TMEM178B: variants seen among roughly 807,000 people sequenced by gnomAD.
TMEM178B encodes transmembrane protein 178B.
TMEM178B carries 5 observed loss-of-function variants against 31.0 expected under a neutral mutation model. The ratio of observed to expected loss-of-function variants is 0.16; its 90% confidence interval spans 0.08 to 0.34. The LOEUF (loss-of-function observed/expected upper bound fraction) is 0.34. TMEM178B is among the 10% of genes least tolerant of loss of function. The pLI is 1.00. For missense variants in TMEM178B, 275 were observed against 400.3 expected (o/e 0.69, Z 2.67); for synonymous variants, 164 against 164.0 (o/e 1.00, Z 0.00).
intron 2 of TMEM178B, chr7:141,352,598 T>A (rs541299814): frequency 6.6e-6 from 1 of 152,290 alleles, no homozygotes; most frequent in South Asian, 2.1e-4. Context: ...GTCAGGCTGG[T>A]CTCAAACTCC....
At chr7:141,246,392 C>T (rs1054218271) in intron 2 of TMEM178B, among the ~76,000 whole-genome samples, 1 of 152,136 alleles carries the variant, frequency 6.6e-6, no homozygotes, top group African/African-American at 2.4e-5. Context: ...AGGTTCAGTA[C>T]GATGTTTCTG....
At chr7:141,200,847 G>A (rs1376606225) in intron 1 of TMEM178B, among the ~76,000 whole-genome samples, 1 of 152,106 alleles carries the variant, frequency 6.6e-6, no homozygotes, top group Non-Finnish European at 1.5e-5. Flanking sequence ...TTGATTTTGG[G>A]TCATGACAAG....
chr7:141,448,911 G>A (rs543384636), intron 3 of TMEM178B, among the ~76,000 whole-genome samples: 2 of 152,266 alleles, frequency 1.3e-5, no homozygotes, highest in African/African-American at 4.8e-5. Flanking sequence ...GACAAGCAAG[G>A]TGGGCCAGGA....
chr7:141,086,139 G>A lies in TMEM178B; in HGVS notation c.382+11447G>A, dbSNP rs1013710076. The stretch of plus-strand genomic sequence containing the variant: ...CAACCTCCATCTCCTGGGTTCAGAT[G>A]ATTCTTGTGCCTCAGCCTGCTGAGT... On this transcript the variant is annotated intron_variant, in intron 1 of 3. Transcript: ENST00000565468. Among the ~76,000 whole-genome samples the A allele has an allele frequency of 3.3e-5, 5 of 152,028 alleles. 1 individual carries two copies. Among genetic ancestry groups the A allele is most frequent in the African/African-American group, 1.2e-4 (5 of 41,324 alleles).
Position 141,295,868 on chromosome 7 carries a change from G to A in TMEM178B, c.496+83164G>A, listed in dbSNP as rs533474617. On this transcript the variant is annotated intron_variant, in intron 2 of 3. Transcript: ENST00000565468. ...GTCCCCACATTTCCAGAAATCTGAAGACGGCCCAGCCACAGCCCTGTTCCC... is the reference window on the plus strand; with the variant it reads ...GTCCCCACATTTCCAGAAATCTGAAAACGGCCCAGCCACAGCCCTGTTCCC... Among the ~76,000 whole-genome samples the A allele has an allele frequency of 3.3e-5, 5 of 152,270 alleles. No individual in the cohort carries two copies. The South Asian group carries it at 1.0e-3, about 32-fold the overall frequency.
chr7:141,271,585 G>A (rs1798184086), intron 2 of TMEM178B, among the ~76,000 whole-genome samples: 1 of 152,132 alleles, frequency 6.6e-6, no homozygotes, highest in Admixed American at 6.5e-5. Context: ...GCACCATGGA[G>A]CTTCATGACC....
chr7:141,262,909 A>G (rs1293382708), intron 2 of TMEM178B, among the ~76,000 whole-genome samples: 2 of 152,210 alleles, frequency 1.3e-5, no homozygotes, highest in Admixed American at 6.5e-5. Flanking sequence ...TATAGCATTC[A>G]GCCAGCATCA....
intron 2 of TMEM178B, among the ~76,000 whole-genome samples, chr7:141,229,155 G>C (rs1797398263): frequency 6.8e-6 from 1 of 147,616 alleles, no homozygotes; most frequent in African/African-American, 2.5e-5. Context: ...ATGGGTCAGT[G>C]TATGAAGTTT....
chr7:141,167,811 A>G (rs1796285822), intron 1 of TMEM178B, among the ~76,000 whole-genome samples: 1 of 152,172 alleles, frequency 6.6e-6, no homozygotes, highest in African/African-American at 2.4e-5. Flanking sequence ...CCCAAGGCCA[A>G]TTTGCCAGCA....
intron 2 of TMEM178B, among the ~76,000 whole-genome samples, chr7:141,257,577 C>T (rs997341902): frequency 1.3e-5 from 2 of 152,078 alleles, no homozygotes; most frequent in African/African-American, 4.8e-5. Context: ...CTAGGTATTC[C>T]CACTCTGACT....
rs545301814 is a variant in TMEM178B at position 141,461,358 on chromosome 7, G to A, written c.635-9178G>A. Among the ~76,000 whole-genome samples the A allele has an allele frequency of 3.9e-5, 6 of 152,334 alleles. No individual in the cohort carries two copies. The highest frequency in any genetic ancestry group is 1.9e-4 in the East Asian group (1 of 5,182). ...CCAGGATTGGGGATCCGCAGACACC[G>A]TTCCACATTCCTGGGAGCAGAAAAT... is the stretch of plus-strand genomic sequence containing the variant. On this transcript the variant is annotated intron_variant, in intron 3 of 3. Coordinates refer to ENST00000565468, the MANE Select transcript of TMEM178B (RefSeq NM_001195278.2). The surrounding 1 kb of genome is among the most constrained non-coding windows in gnomAD (Gnocchi z 4.0).
intron 1 of TMEM178B, among the ~76,000 whole-genome samples, chr7:141,148,300 C>A (rs144997901): frequency 3.0e-4 from 46 of 152,248 alleles, no homozygotes; most frequent in Middle Eastern, 3.4e-3. Flanking sequence ...CATCACAGAC[C>A]CTCAGCCATG....
In TMEM178B at chr7:141,284,722, C is replaced by T. The variant is rs745486496; in HGVS notation, c.496+72018C>T. Among the ~76,000 whole-genome samples, 9 of 152,126 alleles carry T rather than the reference C, an allele frequency of 5.9e-5. No homozygotes were observed. The South Asian group carries it at 1.0e-3, about 18-fold the overall frequency. On this transcript the variant is annotated intron_variant, in intron 2 of 3. Coordinates refer to ENST00000565468, the MANE Select transcript of TMEM178B (RefSeq NM_001195278.2). ...TATGGGGTCAGTGAGGTTTGTTACA[C>T]GAGTGAATGACCAACAACACTACTG...
the TMEM178B span, among the ~76,000 whole-genome samples, chr7:141,503,175 G>C: frequency 1.3e-5 from 2 of 152,162 alleles, no homozygotes; most frequent in Non-Finnish European, 2.9e-5. Context: ...TATTTTACAC[G>C]TGGAGTCAAC....
intron 1 of TMEM178B, among the ~76,000 whole-genome samples, chr7:141,163,534 A>G (rs1231432856): frequency 7.0e-6 from 1 of 142,318 alleles, no homozygotes; most frequent in Non-Finnish European, 1.5e-5. Context: ...TTTTTTTGAG[A>G]CGGTGTCTTG....
At chr7:141,290,177 G>C (rs1249770905) in intron 2 of TMEM178B, among the ~76,000 whole-genome samples, 1 of 152,198 alleles carries the variant, frequency 6.6e-6, no homozygotes, top group African/African-American at 2.4e-5. Context: ...TGCACCCATA[G>C]AGCAGCAGAC....
intron 1 of TMEM178B, among the ~76,000 whole-genome samples, chr7:141,170,718 A>G (rs182452118): frequency 9.2e-5 from 14 of 152,244 alleles, no homozygotes; most frequent in African/African-American, 3.1e-4. Flanking sequence ...ATCAAAGTTG[A>G]GACTGTGGGG....
intron 1 of TMEM178B, among the ~76,000 whole-genome samples, chr7:141,193,565 G>A (rs764258591): frequency 2.0e-5 from 3 of 152,200 alleles, no homozygotes; most frequent in African/African-American, 7.2e-5. Context: ...GTGGCTGTTG[G>A]ACTGTGCTGC....
chr7:141,103,393 T>TTCAGAA (rs1430960442), intron 1 of TMEM178B, among the ~76,000 whole-genome samples: 1 of 152,188 alleles, frequency 6.6e-6, no homozygotes, highest in Non-Finnish European at 1.5e-5. Flanking sequence ...TTCGAGTGCC[T>TTCAGAA]TCAGAATCCC....
Sources: allele counts gnomAD v4.1 joint callset (sites outside exome capture counted in the v4.1 genomes callset), GRCh38; gene constraint gnomAD v4.1.1; non-coding constraint Gnocchi (gnomAD v3.1); transcripts MANE v1.5; gene names NCBI Gene and HGNC (gene_info 2026-07-23, HGNC 2026-07-21).